IFFO1: variants seen among roughly 807,000 people sequenced by gnomAD.
IFFO1 encodes the protein intermediate filament family orphan 1.
Under a neutral mutation model 59.6 loss-of-function variants are expected in IFFO1, and 42 were observed. The ratio of observed to expected loss-of-function variants is 0.70; its 90% CI spans 0.55 to 0.91. IFFO1 has a LOEUF of 0.91. Among genes scored for constraint, IFFO1 ranks in the 40% least tolerant of loss-of-function variants. IFFO1 has a pLI of 0.00. For synonymous variants in IFFO1, 336 were observed against 342.8 expected, an observed-to-expected ratio of 0.98 and a Z score of 0.22; for missense variants, 711 against 793.2, an observed-to-expected ratio of 0.90 and a Z score of 1.24.
intron 2 of IFFO1, 23 bp from the exon 3 acceptor site, chr12:6,550,813 T>C: frequency 6.2e-7 from 1 of 1,610,862 alleles, no homozygotes; most frequent in Non-Finnish European, 8.5e-7. Flanking sequence ...GAAACCCTGA[T>C]GTTGGTGGCA....
In IFFO1 at chr12:6,541,511, C is replaced by T; in HGVS notation, c.1610+1G>A. ...GCCCCATGCCCAGGGGAGGCGCCTA[C>T]CGGTCTCCAGACTGGGTGATGAGCC... is the stretch of plus-strand genomic sequence containing the variant. On this transcript the variant is annotated splice_donor_variant, in intron 9 of 9. Coordinates refer to ENST00000619571, the MANE Select transcript of IFFO1 (RefSeq NM_001193457.2). LOFTEE classifies it high-confidence loss of function. The surrounding 1 kb of genome is among the most constrained non-coding windows in gnomAD (Gnocchi z 4.8). 6.2e-7 allele frequency: 1 copy of T among 1,613,642 alleles called. No homozygotes were observed.
chr12:6,555,580 G>C lies in IFFO1; in HGVS notation c.450C>G (p.Ser150Arg). ...GCGAGCCCAGCACGCGCGCCGAAGG[G>C]CTGCAGACAGCGGCCGGCCGGGCGC... ...QLGARPAAVC[S>R]PSARVLGSPA... Residue 150 changes from serine to arginine, a missense_variant, in exon 1 of 10, where the codon AGC becomes AGG. Ser to Arg is a moderately radical substitution (Grantham distance 110). This residue lies in a region of IFFO1 where 579 missense variants were observed against 650.3 expected (regional missense o/e 0.89). Transcript: ENST00000619571. This position sits in a 1 kb window ranked among gnomAD's most constrained non-coding sequence, Gnocchi z 8.6. 7.0e-7 allele frequency: 1 copy of C among 1,421,874 alleles called. No homozygotes were observed. The highest frequency in any genetic ancestry group is 9.1e-7 in the Non-Finnish European group (1 of 1,093,716). 88.1% of individuals were successfully genotyped at this position (1,421,874 alleles called of 1,614,324 possible). A position where few individuals can be genotyped will look rare whatever the true frequency, so the allele number is the denominator to read the frequency against.
intron 9 of IFFO1, 98 bp from the exon 10 acceptor site, chr12:6,540,686 A>G: frequency 1.9e-6 from 2 of 1,077,322 alleles, no homozygotes; most frequent in Non-Finnish European, 1.4e-6. Flanking sequence ...GCAGCCCGTG[A>G]GAAGTACCGG....
In IFFO1 at chr12:6,540,172, A is replaced by G. The variant is rs1422074658; in HGVS notation, c.*311T>C. 3 of 471,826 alleles carry G rather than the reference A, an allele frequency of 6.4e-6. No homozygotes were observed. The highest frequency in any genetic ancestry group is 2.3e-5 in the South Asian group (1 of 43,260). 29.2% of individuals were successfully genotyped at this position (471,826 alleles called of 1,614,324 possible). A position where few individuals can be genotyped will look rare whatever the true frequency, so the allele number is the denominator to read the frequency against. On this transcript the variant is annotated 3_prime_UTR_variant, in exon 10 of 10. Coordinates refer to ENST00000619571, the MANE Select transcript of IFFO1 (RefSeq NM_001193457.2). ...CATTCACATTCCTGATACGTGGACA[A>G]GGTGAGGGGCCGCAATCGCTCTGGC...
intron 8 of IFFO1, 114 bp downstream of exon 8, chr12:6,547,951 C>T (rs1947042411): frequency 2.5e-6 from 2 of 784,680 alleles, no homozygotes; most frequent in Non-Finnish European, 4.5e-6. Context: ...GATCACTCCT[C>T]CTCCCAAGAC....
Position 6,551,559 on chromosome 12 carries a change from C to T in IFFO1, c.774-558G>A. The T allele has an allele frequency of 4.8e-6, 5 of 1,032,194 alleles. No individual in the cohort carries two copies. The South Asian group carries it at 6.6e-5, about 14-fold the overall frequency. The allele number at this position is 1,032,194 out of a possible 1,614,324, so 63.9% of individuals were successfully genotyped here. The stretch of plus-strand genomic sequence containing the variant: ...GGTCAAGAGCCTGGTAGGAGACACT[C>T]AAAGTCCTTCCCCACTAGCTCCAGA... On this transcript the variant is annotated intron_variant, in intron 1 of 9. Coordinates refer to ENST00000619571, the MANE Select transcript of IFFO1 (RefSeq NM_001193457.2).
intron 8 of IFFO1, among the ~76,000 whole-genome samples, chr12:6,542,136 A>G (rs1268332086): frequency 6.6e-6 from 1 of 152,194 alleles, no homozygotes; most frequent in Non-Finnish European, 1.5e-5. Flanking sequence ...CGTGGCATAC[A>G]AGCCTGGCTA....
intron 8 of IFFO1, among the ~76,000 whole-genome samples, chr12:6,545,199 A>G (rs571514988): frequency 6.6e-6 from 1 of 152,160 alleles, no homozygotes; most frequent in Non-Finnish European, 1.5e-5. Context: ...TGGGCGACAC[A>G]GCGAGACTAC....
Position 6,550,189 on chromosome 12 carries a change from C to A in IFFO1, c.931-293G>T, listed in dbSNP as rs1477084687. 6 of 396,394 alleles carry A rather than the reference C, an allele frequency of 1.5e-5. No homozygotes were observed. In the East Asian group the frequency reaches 2.0e-4, roughly 14 times the overall value. 24.6% of individuals were successfully genotyped at this position (396,394 alleles called of 1,614,324 possible). A position where few individuals can be genotyped will look rare whatever the true frequency, so the allele number is the denominator to read the frequency against. On this transcript the variant is annotated intron_variant, in intron 3 of 9. Coordinates refer to ENST00000619571, the MANE Select transcript of IFFO1 (RefSeq NM_001193457.2). The stretch of plus-strand genomic sequence containing the variant: ...GGGGCTCACTGGAACGACTAGCGGT[C>A]CTCATCCTCCTAGAACTTACATTCC...
chr12:6,548,950 G>A lies in IFFO1; in HGVS notation c.1081-101C>T. 1 of 957,984 alleles carries A rather than the reference G, an allele frequency of 1.0e-6. No homozygotes were observed. The highest frequency in any genetic ancestry group is 1.5e-6 in the Non-Finnish European group (1 of 646,248). 59.3% of individuals were successfully genotyped at this position (957,984 alleles called of 1,614,324 possible). ...AGAAGCATGAACCAGTAGGAAGGGG[G>A]GGCAGACAGAGAGAAAAGTCACAGT... On this transcript the variant is annotated intron_variant, in intron 5 of 9. Transcript: ENST00000619571. The surrounding 1 kb of genome is among the most constrained non-coding windows in gnomAD (Gnocchi z 6.1).
chr12:6,555,352 C>G lies in IFFO1; in HGVS notation c.678G>C (p.Gly226=). The G allele has an allele frequency of 1.9e-6, 3 of 1,614,192 alleles. No individual in the cohort carries two copies. In the South Asian group the frequency reaches 3.3e-5, roughly 18 times the overall value. ...GPGLSWVHPD[G]VGVQIDTITP... is the part of the protein sequence containing the mutation. Reference sequence around the variant, plus strand: ...TGATGGTGTCGATCTGGACGCCCACCCCATCCGGGTGCACCCACGACAAGC... The same window carrying G: ...TGATGGTGTCGATCTGGACGCCCACGCCATCCGGGTGCACCCACGACAAGC... Residue 226 remains glycine (G), a synonymous_variant, in exon 1 of 10, where the codon GGG becomes GGC. Coordinates refer to ENST00000619571, the MANE Select transcript of IFFO1 (RefSeq NM_001193457.2). This position sits in a 1 kb window ranked among gnomAD's most constrained non-coding sequence, Gnocchi z 8.6.
In IFFO1 at chr12:6,555,187, C is replaced by A; in HGVS notation, c.773+70G>T. 1.3e-6 allele frequency: 2 copies of A among 1,491,736 alleles called. No individual in the cohort carries two copies. 92.4% of individuals were successfully genotyped at this position (1,491,736 alleles called of 1,614,324 possible). A position where few individuals can be genotyped will look rare whatever the true frequency, so the allele number is the denominator to read the frequency against. On this transcript the variant is annotated intron_variant, in intron 1 of 9. Transcript: ENST00000619571. This position sits in a 1 kb window ranked among gnomAD's most constrained non-coding sequence, Gnocchi z 8.6. ...CTTTTCACCCCTGATTCTTCGGAAC[C>A]CACACCAACTCGCGGCCCGTTGTGA...
chr12:6,549,475 C>A lies in IFFO1; in HGVS notation c.1080+1G>T, dbSNP rs201283926. The A allele has an allele frequency of 6.2e-7, 1 of 1,613,498 alleles. No homozygotes were observed. The highest frequency in any genetic ancestry group is 8.5e-7 in the Non-Finnish European group (1 of 1,179,496). On this transcript the variant is annotated splice_donor_variant, in intron 5 of 9. Coordinates refer to ENST00000619571, the MANE Select transcript of IFFO1 (RefSeq NM_001193457.2). LOFTEE classifies it high-confidence loss of function. The surrounding 1 kb of genome is among the most constrained non-coding windows in gnomAD (Gnocchi z 5.0). ...ATAAGCTTGCGTGAGATCAAACTAACCAGCTTCTTCTGTGGAGGAAGCAAG... is the reference window on the plus strand; with the variant it reads ...ATAAGCTTGCGTGAGATCAAACTAAACAGCTTCTTCTGTGGAGGAAGCAAG...
intron 8 of IFFO1, among the ~76,000 whole-genome samples, chr12:6,546,424 C>A (rs537924403): frequency 6.6e-6 from 1 of 152,242 alleles, no homozygotes; most frequent in South Asian, 2.1e-4. Flanking sequence ...ACGGGGGTCC[C>A]GTCCATCCCT....
At position 6,549,719 on chromosome 12, in the gene IFFO1, AC is replaced by A. The variant is rs774356676; in HGVS notation, c.1071+36del. 9.7e-5 allele frequency: 154 copies of A among 1,591,194 alleles called. 3 individuals carry two copies. In the South Asian group the frequency reaches 1.6e-3, roughly 16 times the overall value. ...CGCCACGGAAGCATCCACCTGCCCC[AC>A]CCACCCCTGAGAGCAGAGGGCAGCT... On this transcript the variant is annotated intron_variant, in intron 4 of 9. Coordinates refer to ENST00000619571, the MANE Select transcript of IFFO1 (RefSeq NM_001193457.2). The surrounding 1 kb of genome is among the most constrained non-coding windows in gnomAD (Gnocchi z 5.0).
chr12:6,552,284 A>G (rs1185819950), intron 1 of IFFO1, among the ~76,000 whole-genome samples: 1 of 151,814 alleles, frequency 6.6e-6, no homozygotes, highest in Non-Finnish European at 1.5e-5. Context: ...TAACTCCTCC[A>G]CATCACCTCG....
intron 8 of IFFO1, among the ~76,000 whole-genome samples, chr12:6,546,486 CTTTG>C (rs1339531681): frequency 2.6e-5 from 4 of 152,270 alleles, no homozygotes; most frequent in South Asian, 4.2e-4. Flanking sequence ...ATCCTTCTTC[CTTTG>C]TTTGTATTTT....
At chr12:6,545,221 AT>A (rs1393557196) in intron 8 of IFFO1, among the ~76,000 whole-genome samples, 1 of 151,474 alleles carries the variant, frequency 6.6e-6, no homozygotes, top group Non-Finnish European at 1.5e-5. Context: ...TCTCAAAAAA[AT>A]AAATAAATAA....
chr12:6,550,219 GAGAA>G (rs1324879142), intron 3 of IFFO1: 1 of 351,212 alleles, frequency 2.8e-6, no homozygotes, highest in Non-Finnish European at 5.2e-6. Context: ...CATTCCCAGA[GAGAA>G]AGAGACTCCT....
Sources: gnomAD v4.1 joint callset for allele counts (sites outside exome capture counted in the v4.1 genomes callset) on GRCh38, gnomAD v4.1.1 for gene constraint, gnomAD v4.1.1 regional missense constraint, Gnocchi (gnomAD v3.1) non-coding constraint, MANE v1.5 for transcripts, NCBI Gene and HGNC (gene_info 2026-07-23, HGNC 2026-07-21) for gene names.